BTBD8: variants seen among roughly 807,000 people sequenced by gnomAD.
BTBD8 encodes the protein BTB/POZ domain-containing protein 8.
Under a neutral mutation model 162.9 loss-of-function variants are expected in BTBD8, and 110 were observed. The ratio of observed to expected loss-of-function variants is 0.68; its 90% CI spans 0.58 to 0.79. The LOEUF is 0.79. Among genes scored for constraint, BTBD8 ranks in the 30% least tolerant of loss-of-function variants. BTBD8 has a pLI of 0.00. For synonymous variants in BTBD8, 667 were observed against 716.1 expected, an observed-to-expected ratio of 0.93 and a Z score of 1.10; for missense variants, 1,905 against 2,085.4, an observed-to-expected ratio of 0.91 and a Z score of 1.68.
At chr1:92,159,804 T>A (rs563799516) in intron 9 of BTBD8, among the ~76,000 whole-genome samples, 1 of 152,348 alleles carries the variant, frequency 6.6e-6, no homozygotes, top group African/African-American at 2.4e-5. Flanking sequence ...CATAAGTTGC[T>A]TTTTTCTTGC....
chr1:92,148,236 G>T (rs987529103), intron 9 of BTBD8, among the ~76,000 whole-genome samples: 18 of 152,118 alleles, frequency 1.2e-4, no homozygotes, highest in Admixed American at 1.3e-4. Context: ...AAAAACATTT[G>T]CTCTGGATAG....
chr1:92,143,729 C>G (rs1031150064), intron 7 of BTBD8, among the ~76,000 whole-genome samples: 1 of 151,538 alleles, frequency 6.6e-6, no homozygotes, highest in Admixed American at 6.6e-5. Context: ...TCAGGCTGGT[C>G]TTGAACTCCT....
Position 92,147,747 on chromosome 1 carries a change from G to T in BTBD8, c.1083G>T (p.Glu361Asp), listed in dbSNP as rs774911210. ...SERSFANIPP[E>D]IQKSCLNMLI... Reference sequence around the variant, plus strand: ...GAAGCTTTGCAAATATACCTCCTGAGATTCAGAAAAGTTGTCTTAATATGT... The same window carrying T: ...GAAGCTTTGCAAATATACCTCCTGATATTCAGAAAAGTTGTCTTAATATGT... Residue 361 changes from glutamate to aspartate, a missense_variant, in exon 9 of 18, where the codon GAG (glutamate) becomes GAT (aspartate). By Grantham distance (45) the Glu-to-Asp change is conservative. Transcript: ENST00000636805. 1 of 1,613,546 alleles carries T rather than the reference G, an allele frequency of 6.2e-7. No individual in the cohort carries two copies. Among genetic ancestry groups the T allele is most frequent in the Non-Finnish European group, 8.5e-7 (1 of 1,179,814 alleles).
intron 13 of BTBD8, among the ~76,000 whole-genome samples, chr1:92,175,477 C>CAAAAAAAAAAAAAAAAA (rs71091265): frequency 8.0e-5 from 3 of 37,456 alleles, no homozygotes; most frequent in African/African-American, 2.9e-4. Context: ...GACTCCATCT[C>CAAAAAAAAAAAAAAAAA]AAAAAAAAAA....
At chr1:92,144,810 T>TACACACACACACACAC (rs10631515) in intron 7 of BTBD8, among the ~76,000 whole-genome samples, 124 of 140,798 alleles carry the variant, frequency 8.8e-4, no homozygotes, top group Middle Eastern at 3.6e-3. Flanking sequence ...AAAAAAAAAC[T>TACACACACACACACAC]ACACACACAC....
chr1:92,099,957 T>G (rs971619970), intron 2 of BTBD8, among the ~76,000 whole-genome samples: 1 of 152,212 alleles, frequency 6.6e-6, no homozygotes, highest in Non-Finnish European at 1.5e-5. Flanking sequence ...AAGAAAGCTT[T>G]CAGTTACCAT....
intron 2 of BTBD8, among the ~76,000 whole-genome samples, chr1:92,096,166 G>A (rs1570716102): frequency 6.6e-6 from 1 of 151,952 alleles, no homozygotes; most frequent in African/African-American, 2.4e-5. Context: ...AAACGGGTTC[G>A]CCATGTTGGC....
chr1:92,103,264 A>G (rs767866199), intron 3 of BTBD8, among the ~76,000 whole-genome samples: 10 of 152,234 alleles, frequency 6.6e-5, no homozygotes, highest in Non-Finnish European at 1.0e-4. Flanking sequence ...GGATCTTATT[A>G]CTGGTGTGTA....
intron 9 of BTBD8, among the ~76,000 whole-genome samples, chr1:92,166,157 A>G (rs1448572205): frequency 2.0e-5 from 3 of 152,180 alleles, no homozygotes; most frequent in Admixed American, 2.0e-4. Context: ...AATAAAATAT[A>G]AACAGTAGAG....
intron 3 of BTBD8, among the ~76,000 whole-genome samples, chr1:92,105,625 A>G (rs953377753): frequency 6.6e-6 from 1 of 152,172 alleles, no homozygotes; most frequent in African/African-American, 2.4e-5. Flanking sequence ...CCAGTGACTG[A>G]TCTTCACCAG....
rs144795087 is a variant in BTBD8, at chr1:92,155,634, G to A, written c.1122+7848G>A. Among the ~76,000 whole-genome samples, 3 of 152,126 alleles carry A rather than the reference G, an allele frequency of 2.0e-5. No individual in the cohort carries two copies. In the East Asian group the frequency reaches 5.8e-4, roughly 29 times the overall value. On this transcript the variant is annotated intron_variant, in intron 9 of 17. Transcript: ENST00000636805. Reference sequence around the variant, plus strand: ...CTTCTTTAATTTCTTTCAATGTTTTGTAGTTTTTAGCCAAGTCTTTCACCT... The same window carrying A: ...CTTCTTTAATTTCTTTCAATGTTTTATAGTTTTTAGCCAAGTCTTTCACCT...
chr1:92,132,264 G>C (rs954745875), intron 5 of BTBD8, among the ~76,000 whole-genome samples: 2 of 151,712 alleles, frequency 1.3e-5, no homozygotes, highest in Non-Finnish European at 2.9e-5. Flanking sequence ...GTTTTATATA[G>C]TTCAAGGTGA....
intron 5 of BTBD8, among the ~76,000 whole-genome samples, chr1:92,131,512 TCAGGAGTTCAGGACCAGC>T (rs1281242500): frequency 1.3e-5 from 2 of 152,064 alleles, no homozygotes; most frequent in Non-Finnish European, 2.9e-5. Context: ...TCACCAGAGG[TCAGGAGTTCAGGACCAGC>T]CTGACCAACA....
chr1:92,092,134 C>T (rs1648321603), intron 2 of BTBD8, among the ~76,000 whole-genome samples: 1 of 152,142 alleles, frequency 6.6e-6, no homozygotes, highest in Non-Finnish European at 1.5e-5. Flanking sequence ...GGTACAGTGA[C>T]TCATACCTGT....
chr1:92,151,881 C>T (rs1429022970), intron 9 of BTBD8, among the ~76,000 whole-genome samples: 6 of 152,122 alleles, frequency 3.9e-5, no homozygotes, highest in Non-Finnish European at 8.8e-5. Flanking sequence ...ACATTTCATT[C>T]CTTTTTATGG....
chr1:92,166,250 A>G (rs951136926), intron 9 of BTBD8, among the ~76,000 whole-genome samples: 1 of 152,252 alleles, frequency 6.6e-6, no homozygotes, highest in East Asian at 1.9e-4. Flanking sequence ...ATAAAGAAAC[A>G]TATTTTGTAG....
At chr1:92,161,287 G>A (rs1256627179) in intron 9 of BTBD8, among the ~76,000 whole-genome samples, 3 of 152,174 alleles carry the variant, frequency 2.0e-5, no homozygotes, top group Non-Finnish European at 4.4e-5. Flanking sequence ...GCCTTCTTTA[G>A]TTCTAATTCA....
At chr1:92,087,323 T>G (rs1648188045) in intron 1 of BTBD8, among the ~76,000 whole-genome samples, 1 of 150,044 alleles carries the variant, frequency 6.7e-6, no homozygotes, top group Non-Finnish European at 1.5e-5. Context: ...GGAAGGAGGG[T>G]GGGAGGAAAG....
At chr1:92,150,143 G>A (rs1380440342) in intron 9 of BTBD8, among the ~76,000 whole-genome samples, 1 of 152,156 alleles carries the variant, frequency 6.6e-6, no homozygotes, top group Non-Finnish European at 1.5e-5. Context: ...TTGACGTTAA[G>A]CAAAACAATG....
Sources: allele counts gnomAD v4.1 joint callset (sites outside exome capture counted in the v4.1 genomes callset), GRCh38; gene constraint gnomAD v4.1.1; transcripts MANE v1.5; gene names NCBI Gene and HGNC (gene_info 2026-07-23, HGNC 2026-07-21).